SAMMSON: variants seen among roughly 807,000 people sequenced by gnomAD.
SAMMSON encodes long intergenic non-protein coding RNA 1212.
intron 9 of SAMMSON, among the ~76,000 whole-genome samples, chr3:70,384,880 C>T (rs751589902): frequency 6.6e-6 from 1 of 152,022 alleles, no homozygotes; most frequent in Non-Finnish European, 1.5e-5. Flanking sequence ...TTGTGCTGTC[C>T]AGTAAGGTAG....
At chr3:70,018,859 C>T (rs1047958890) in intron 3 of SAMMSON, among the ~76,000 whole-genome samples, 21 of 152,190 alleles carry the variant, frequency 1.4e-4, no homozygotes, top group African/African-American at 1.9e-4. Context: ...CATTCAGGAG[C>T]AGGTTGTTCA....
At chr3:70,318,544 C>G (rs930217861) in intron 7 of SAMMSON, among the ~76,000 whole-genome samples, 1 of 151,782 alleles carries the variant, frequency 6.6e-6, no homozygotes. Context: ...TGATCACTAT[C>G]TTTTCCTTTA....
chr3:70,253,770 TG>T (rs1701790609), intron 6 of SAMMSON, among the ~76,000 whole-genome samples: 1 of 152,148 alleles, frequency 6.6e-6, no homozygotes, highest in South Asian at 2.1e-4. Flanking sequence ...TTTATCCAGA[TG>T]TTGAAATCTG....
At chr3:70,402,616 C>G (rs1701149079) in intron 2 of SAMMSON, among the ~76,000 whole-genome samples, 2 of 152,112 alleles carry the variant, frequency 1.3e-5, no homozygotes, top group Non-Finnish European at 2.9e-5. Flanking sequence ...AATCCCAACA[C>G]TTTAGGAGGC....
intron 4 of SAMMSON, among the ~76,000 whole-genome samples, chr3:70,226,893 G>T (rs1358588650): frequency 1.3e-5 from 2 of 152,010 alleles, no homozygotes; most frequent in African/African-American, 4.8e-5. Flanking sequence ...AGAGAAGAGG[G>T]ACTGGTGGGA....
At chr3:70,190,499 T>A (rs1047498603) in intron 4 of SAMMSON, among the ~76,000 whole-genome samples, 1 of 152,238 alleles carries the variant, frequency 6.6e-6, no homozygotes, top group African/African-American at 2.4e-5. Context: ...TACCTGAAGT[T>A]GGGCAGTAGC....
chr3:70,315,526 T>A (rs539711275), intron 7 of SAMMSON, among the ~76,000 whole-genome samples: 1 of 152,296 alleles, frequency 6.6e-6, no homozygotes, highest in East Asian at 1.9e-4. Flanking sequence ...CACCAAGTAC[T>A]TTTTCCTGGA....
At chr3:70,226,986 T>C (rs1701513834) in intron 4 of SAMMSON, among the ~76,000 whole-genome samples, 1 of 152,170 alleles carries the variant, frequency 6.6e-6, no homozygotes, top group South Asian at 2.1e-4. Context: ...GCAGTGGCTC[T>C]TGATTGACAG....
chr3:70,397,952 T>C (rs901337206), intron 2 of SAMMSON, among the ~76,000 whole-genome samples: 1 of 152,204 alleles, frequency 6.6e-6, no homozygotes, highest in Admixed American at 6.5e-5. Context: ...TAGCAAATAT[T>C]AATAATGTTA....
chr3:70,015,178 G>A (rs976684357), intron 3 of SAMMSON: 2 of 152,308 alleles, frequency 1.3e-5, no homozygotes, highest in African/African-American at 4.8e-5. Context: ...CTACTAGGGA[G>A]GCTGAGGCAG....
At chr3:70,270,099 T>C (rs1220316690) in intron 6 of SAMMSON, among the ~76,000 whole-genome samples, 11 of 152,202 alleles carry the variant, frequency 7.2e-5, no homozygotes, top group Admixed American at 7.2e-4. Context: ...AGAAATCTAA[T>C]GATGCCATCC....
At chr3:70,274,491 A>G (rs1258087840) in intron 6 of SAMMSON, among the ~76,000 whole-genome samples, 1 of 152,206 alleles carries the variant, frequency 6.6e-6, no homozygotes, top group Non-Finnish European at 1.5e-5. Flanking sequence ...ATTAATGTTA[A>G]GTTGACTGAA....
rs1559551578 is a variant in SAMMSON, at chr3:70,276,056, A to G, written n.675-15123A>G. On this transcript the variant is annotated intron_variant and non_coding_transcript_variant, in intron 6 of 9. Transcript: ENST00000642114. ...TTTCAAACTTTAAAAAAAAGTATAT[A>G]TACTCTTTTTAACAAAATACAATTA... 2.0e-5 allele frequency among the ~76,000 whole-genome samples: 3 copies of G among 152,264 alleles called. No homozygotes were observed. The East Asian group carries it at 5.8e-4, about 29-fold the overall frequency.
chr3:70,238,114 A>G (rs1701630551), intron 4 of SAMMSON, among the ~76,000 whole-genome samples: 3 of 149,762 alleles, frequency 2.0e-5, no homozygotes, highest in African/African-American at 7.4e-5. Flanking sequence ...CCTCACACAG[A>G]CATATGATAG....
intron 4 of SAMMSON, among the ~76,000 whole-genome samples, chr3:70,248,809 G>A (rs975189415): frequency 1.3e-5 from 2 of 152,048 alleles, no homozygotes; most frequent in Non-Finnish European, 2.9e-5. Context: ...TATTGAGTAG[G>A]CTACCATGTG....
intron 4 of SAMMSON, among the ~76,000 whole-genome samples, chr3:70,219,063 A>T (rs990950582): frequency 6.6e-6 from 1 of 152,198 alleles, no homozygotes; most frequent in Non-Finnish European, 1.5e-5. Context: ...GTTTAAAAAA[A>T]TTATTTCTAA....
intron 7 of SAMMSON, among the ~76,000 whole-genome samples, chr3:70,313,193 G>C (rs1246847563): frequency 6.6e-6 from 1 of 152,140 alleles, no homozygotes; most frequent in Non-Finnish European, 1.5e-5. Context: ...GCCAGACATG[G>C]TGGCTCACGC....
In SAMMSON at chr3:70,133,073, G is replaced by A. The variant is rs182542078; in HGVS notation, n.507+61508G>A. ...CCTTCCAACCCCCATTTTCTAGCAC[G>A]CAGCTTCTACAACCTCTGGAATCTC... On this transcript the variant is annotated intron_variant and non_coding_transcript_variant, in intron 4 of 9. Transcript: ENST00000642114. Among the ~76,000 whole-genome samples the A allele has an allele frequency of 2.0e-4, 30 of 152,176 alleles. 1 individual carries two copies. In the South Asian group the frequency reaches 5.8e-3, roughly 29 times the overall value.
At chr3:70,432,123 C>T (rs1341324833) in intron 2 of SAMMSON, among the ~76,000 whole-genome samples, 1 of 151,880 alleles carries the variant, frequency 6.6e-6, no homozygotes, top group East Asian at 1.9e-4. Context: ...TAAGAAACAG[C>T]CAAACCGAGG....
Sources: gnomAD v4.1 joint callset for allele counts (sites outside exome capture counted in the v4.1 genomes callset) on GRCh38, gnomAD v4.1.1 for gene constraint, MANE v1.5 for transcripts, NCBI Gene and HGNC (gene_info 2026-07-23, HGNC 2026-07-21) for gene names.